The following EED variants were observed in gnomAD, a reference collection of about 807,000 sequenced individuals.
The protein encoded by EED is polycomb protein EED.
Under a neutral mutation model 61.0 loss-of-function variants are expected in EED, and 9 were observed. That is an observed-to-expected ratio of 0.15 (90% CI 0.09 to 0.26). The LOEUF is 0.26. EED is among the 10% of genes least tolerant of loss of function. The pLI is 1.00. For synonymous variants in EED, 187 were observed against 174.4 expected (o/e 1.07, Z -0.57); for missense variants, 315 against 542.3 (o/e 0.58, Z 4.16).
chr11:86,255,639 C>T (rs1945650207), intron 4 of EED, among the ~76,000 whole-genome samples: 1 of 151,696 alleles, frequency 6.6e-6, no homozygotes, highest in South Asian at 2.1e-4. Context: ...TAGAATATAT[C>T]ATTTCATTGT....
chr11:86,286,719 T>A, the EED span, among the ~76,000 whole-genome samples: 1 of 151,940 alleles, frequency 6.6e-6, no homozygotes, highest in Non-Finnish European at 1.5e-5. Context: ...AGGCCTGTAA[T>A]CCCAGCACTT....
In EED at chr11:86,256,458, T is replaced by G; in HGVS notation, c.498T>G (p.Ala166=). ...SNTSHPLLAV[A]GSRGIIRIIN... ...CGAGCCATCCTCTGCTGGCTGTAGC[T>G]GGATCTAGAGGCATAATTAGGATAA... The change falls in exon 5 of 12, where the codon GCT becomes GCG. Residue 166 remains alanine (A), a synonymous_variant. Coordinates refer to ENST00000263360, the MANE Select transcript of EED (RefSeq NM_003797.5). 6.2e-7 allele frequency: 1 copy of G among 1,612,838 alleles called. No individual in the cohort carries two copies. The highest frequency in any genetic ancestry group is 8.5e-7 in the Non-Finnish European group (1 of 1,179,078).
At chr11:86,258,219 T>C (rs975345995) in intron 6 of EED, among the ~76,000 whole-genome samples, 13 of 152,208 alleles carry the variant, frequency 8.5e-5, no homozygotes, top group African/African-American at 2.7e-4. Flanking sequence ...TATGTTAGCA[T>C]ATCCAAATCA....
chr11:86,254,107 A>G (rs1945608755), intron 3 of EED, among the ~76,000 whole-genome samples: 1 of 147,708 alleles, frequency 6.8e-6, no homozygotes, highest in Admixed American at 6.7e-5. Flanking sequence ...AAAGTTTAGT[A>G]TTACAAAATT....
In EED at chr11:86,256,660, T is replaced by G. The variant is rs1945684720; in HGVS notation, c.552+148T>G. On this transcript the variant is annotated intron_variant, in intron 5 of 11. Transcript: ENST00000263360. ...TTACTGCTCTCTTTGGATGAGTCTT[T>G]TGAGACGTTTGTCACATTTGGGTAA... 2.6e-6 allele frequency: 2 copies of G among 769,174 alleles called. 1 individual carries two copies. The highest frequency in any genetic ancestry group is 7.2e-5 in the South Asian group (2 of 27,814). The allele number at this position is 769,174 out of a possible 1,614,324, so 47.6% of individuals were successfully genotyped here.
intron 7 of EED, 111 bp from the exon 8 acceptor site, chr11:86,265,972 T>G (rs976212559): frequency 2.2e-6 from 2 of 908,134 alleles, no homozygotes; most frequent in Admixed American, 2.8e-5. Flanking sequence ...CAAAATGTAG[T>G]TTGTATTGTG....
intron 6 of EED, among the ~76,000 whole-genome samples, chr11:86,258,624 C>T (rs1247473558): frequency 1.4e-5 from 2 of 147,584 alleles, no homozygotes; most frequent in East Asian, 2.0e-4. Context: ...GGTGCAATCT[C>T]GGCTGACTGC....
At chr11:86,281,408 AT>A (rs879596392), downstream of EED, among the ~76,000 whole-genome samples, 1 of 150,048 alleles carries the variant, frequency 6.7e-6, no homozygotes, top group African/African-American at 2.5e-5. Flanking sequence ...TTGTTTTTTC[AT>A]TTTTTTATTT....
At chr11:86,267,561 T>C (rs1348944267) in intron 8 of EED, among the ~76,000 whole-genome samples, 1 of 152,156 alleles carries the variant, frequency 6.6e-6, no homozygotes. Context: ...GTTTCCTAAA[T>C]ACAGAAATTA....
chr11:86,277,314 T>C (rs1946255493), intron 10 of EED, 176 bp downstream of exon 10: 2 of 530,998 alleles, frequency 3.8e-6, no homozygotes, highest in Admixed American at 3.8e-5. Context: ...TTCATTCTAC[T>C]TTTGTGGCTC....
chr11:86,265,869 T>A (rs1945961891), intron 7 of EED: 1 of 355,564 alleles, frequency 2.8e-6, no homozygotes, highest in South Asian at 7.4e-5. Flanking sequence ...TTATACATTG[T>A]AAATGCTCTT....
chr11:86,284,839 C>T, the EED span, among the ~76,000 whole-genome samples: 76 of 152,276 alleles, frequency 5.0e-4, no homozygotes, highest in African/African-American at 1.7e-3. Context: ...GGGCCGGGTG[C>T]GGTGGTTCAT....
intron 10 of EED, 160 bp from the exon 11 acceptor site, chr11:86,277,758 T>C (rs1946265571): frequency 2.0e-6 from 1 of 496,478 alleles, no homozygotes; most frequent in African/African-American, 2.0e-5. Flanking sequence ...CTCTTATTCA[T>C]ATTTACGAAT....
Position 86,245,255 on chromosome 11 carries a change from C to G in EED, c.26C>G (p.Ala9Gly). The change falls in exon 1 of 12, where the codon GCG becomes GGG. Residue 9 changes from alanine (A) to glycine (G), a missense_variant. Physicochemically the swap from Ala to Gly is moderately conservative, Grantham distance 60. Around this residue, in one of 2 missense-constraint regions of EED, gnomAD observed 110 missense variants for 86.9 expected, o/e 1.27. Transcript: ENST00000263360. ...ATGTCCGAGAGGGAAGTGTCGACTG[C>G]GCCGGCGGGAACAGACATGCCTGCG... is the stretch of plus-strand genomic sequence containing the variant. MSEREVST[A>G]PAGTDMPAAK... 1 of 1,612,948 alleles carries G rather than the reference C, an allele frequency of 6.2e-7. No homozygotes were observed. Among genetic ancestry groups the G allele is most frequent in the Non-Finnish European group, 8.5e-7 (1 of 1,179,770 alleles).
At chr11:86,246,187 C>T (rs947682139) in intron 1 of EED, among the ~76,000 whole-genome samples, 5 of 152,122 alleles carry the variant, frequency 3.3e-5, no homozygotes, top group African/African-American at 9.7e-5. Flanking sequence ...TTAATTGACT[C>T]GCCAGTAAGA....
chr11:86,250,768 CAT>C (rs1945511760), intron 2 of EED, among the ~76,000 whole-genome samples: 1 of 152,074 alleles, frequency 6.6e-6, no homozygotes, highest in Non-Finnish European at 1.5e-5. Context: ...ACTTAAAAAA[CAT>C]AAGCCACTTC....
intron 9 of EED, among the ~76,000 whole-genome samples, chr11:86,269,132 A>G (rs1341672900): frequency 6.6e-6 from 1 of 152,230 alleles, no homozygotes; most frequent in East Asian, 1.9e-4. Context: ...ATTAGCCTAC[A>G]GTTGGGCAAA....
chr11:86,267,246 A>G (rs1383365392), intron 8 of EED, among the ~76,000 whole-genome samples: 2 of 152,234 alleles, frequency 1.3e-5, no homozygotes, highest in Non-Finnish European at 2.9e-5. Flanking sequence ...TTAAGAATTT[A>G]TATCAGATCA....
chr11:86,255,075 GCTT>G, intron 3 of EED, 144 bp from the exon 4 acceptor site: 1 of 550,882 alleles, frequency 1.8e-6, no homozygotes. Flanking sequence ...CTTTATAATG[GCTT>G]CTTTAAGCTC....
Sources: gnomAD v4.1 joint callset for allele counts (sites outside exome capture counted in the v4.1 genomes callset) on GRCh38, gnomAD v4.1.1 for gene constraint, gnomAD v4.1.1 regional missense constraint, MANE v1.5 for transcripts, NCBI Gene and HGNC (gene_info 2026-07-23, HGNC 2026-07-21) for gene names.